The following BLNK variants were observed in gnomAD, a reference collection of about 807,000 sequenced individuals.
BLNK encodes B cell linker, also known as B-cell linker protein.
Under a neutral mutation model 73.5 loss-of-function variants are expected in BLNK, and 29 were observed. That is an observed-to-expected ratio of 0.39 (90% CI 0.29 to 0.54). The LOEUF (loss-of-function observed/expected upper bound fraction) is 0.54. BLNK is among the 20% of genes least tolerant of loss of function. The probability of loss-of-function intolerance (pLI) is 0.61; values close to 1 mark genes in which losing one functional copy is unlikely to be tolerated. For synonymous variants in BLNK, 176 were observed against 200.8 expected, an observed-to-expected ratio of 0.88 and a Z score of 1.04; for missense variants, 460 against 562.8, an observed-to-expected ratio of 0.82 and a Z score of 1.85.
chr10:96,198,338 CA>C (rs587651341), intron 15 of BLNK, among the ~76,000 whole-genome samples: 84 of 152,274 alleles, frequency 5.5e-4, no homozygotes, highest in African/African-American at 1.7e-3. Context: ...AATAAGGGAA[CA>C]GAACAACCCT....
chr10:96,210,230 G>A, intron 8 of BLNK: 1 of 397,750 alleles, frequency 2.5e-6, no homozygotes, highest in Non-Finnish European at 4.8e-6. Flanking sequence ...AGGACTCAGT[G>A]AGGACCCCCA....
At chr10:96,247,761 C>T (rs1284049726) in intron 1 of BLNK, among the ~76,000 whole-genome samples, 1 of 152,162 alleles carries the variant, frequency 6.6e-6, no homozygotes, top group Non-Finnish European at 1.5e-5. Context: ...CCAAGTCTTC[C>T]TGTGTAACTT....
chr10:96,224,223 C>A (rs1383638982), intron 5 of BLNK, among the ~76,000 whole-genome samples: 1 of 152,330 alleles, frequency 6.6e-6, no homozygotes, highest in African/African-American at 2.4e-5. Context: ...CCTTCCGGGG[C>A]AGTGATGGAC....
intron 1 of BLNK, among the ~76,000 whole-genome samples, chr10:96,264,738 T>A (rs1049920702): frequency 6.6e-6 from 1 of 152,176 alleles, no homozygotes; most frequent in Non-Finnish European, 1.5e-5. Flanking sequence ...GGGTGAATCC[T>A]GCTCCAGAAA....
chr10:96,246,493 G>A (rs1365443138), intron 2 of BLNK, among the ~76,000 whole-genome samples: 5 of 152,070 alleles, frequency 3.3e-5, no homozygotes, highest in Admixed American at 6.6e-5. Flanking sequence ...CAGAGGTTGC[G>A]GTGAGCTGAT....
At chr10:96,263,232 C>T (rs781932270) in intron 1 of BLNK, among the ~76,000 whole-genome samples, 102 of 152,304 alleles carry the variant, frequency 6.7e-4, no homozygotes, top group African/African-American at 7.9e-4. Context: ...GCACAAGCTC[C>T]GAGCACAGGA....
chr10:96,246,213 T>C (rs1349964380), intron 2 of BLNK, among the ~76,000 whole-genome samples: 2 of 152,080 alleles, frequency 1.3e-5, no homozygotes, highest in South Asian at 2.1e-4. Flanking sequence ...CAAGTGCCAA[T>C]TGAAAAGTTC....
chr10:96,213,155 C>A, intron 8 of BLNK, among the ~76,000 whole-genome samples: 1 of 152,150 alleles, frequency 6.6e-6, no homozygotes, highest in East Asian at 1.9e-4. Context: ...CCCTCTCAAC[C>A]AACTGACCCC....
intron 2 of BLNK, among the ~76,000 whole-genome samples, chr10:96,246,776 A>G (rs1273810379): frequency 6.6e-6 from 1 of 152,222 alleles, no homozygotes; most frequent in Non-Finnish European, 1.5e-5. Flanking sequence ...GAGAAGGAAA[A>G]TCAAAGTCCA....
intron 5 of BLNK, 90 bp downstream of exon 5, chr10:96,227,320 G>A: frequency 6.5e-7 from 1 of 1,536,432 alleles, no homozygotes; most frequent in South Asian, 1.2e-5. Context: ...TCAAGCAGCA[G>A]CCAGGTTTGT....
chr10:96,228,095 C>CTTTTTTTTT (rs11286890), intron 4 of BLNK, among the ~76,000 whole-genome samples: 1 of 115,354 alleles, frequency 8.7e-6, no homozygotes, highest in Non-Finnish European at 1.9e-5. Context: ...TCTTTTTTTT[C>CTTTTTTTTT]TTTTTTTTTT....
chr10:96,223,047 G>A (rs2084236038), intron 6 of BLNK, among the ~76,000 whole-genome samples: 2 of 152,148 alleles, frequency 1.3e-5, no homozygotes, highest in African/African-American at 2.4e-5. Flanking sequence ...TTTCCGATAA[G>A]ATCTCAGGAG....
chr10:96,208,375 C>T (rs782398721), intron 9 of BLNK, among the ~76,000 whole-genome samples: 1 of 152,110 alleles, frequency 6.6e-6, no homozygotes, highest in Non-Finnish European at 1.5e-5. Context: ...CTGCACTTGC[C>T]CACTCCAGCT....
At chr10:96,194,019 T>C (rs1421053882) in intron 16 of BLNK, among the ~76,000 whole-genome samples, 1 of 152,220 alleles carries the variant, frequency 6.6e-6, no homozygotes. Flanking sequence ...TTGGAATCCA[T>C]AGGCTGAATA....
At chr10:96,259,180 T>A (rs1388250416) in intron 1 of BLNK, among the ~76,000 whole-genome samples, 1 of 152,198 alleles carries the variant, frequency 6.6e-6, no homozygotes, top group Non-Finnish European at 1.5e-5. Context: ...TTCCTCTCTG[T>A]CCCTGGAGAC....
intron 7 of BLNK, chr10:96,216,332 G>C: frequency 2.8e-6 from 1 of 353,018 alleles, no homozygotes; most frequent in Non-Finnish European, 5.3e-6. Context: ...ATGGTGGCTT[G>C]TGACATTGTA....
chr10:96,208,047 G>C (rs587622692), intron 9 of BLNK, 148 bp from the exon 10 acceptor site: 2 of 858,976 alleles, frequency 2.3e-6, no homozygotes, highest in Admixed American at 4.0e-5. Flanking sequence ...GAGAGGGATG[G>C]AAGTGGGATT....
chr10:96,240,721 G>A (rs1842856552), intron 3 of BLNK, among the ~76,000 whole-genome samples: 1 of 152,240 alleles, frequency 6.6e-6, no homozygotes, highest in African/African-American at 2.4e-5. Flanking sequence ...GCTGGGCCTT[G>A]TGTGTGGAGG....
At chr10:96,201,582 T>C (rs1429292999) in intron 13 of BLNK, among the ~76,000 whole-genome samples, 2 of 152,266 alleles carry the variant, frequency 1.3e-5, no homozygotes, top group African/African-American at 4.8e-5. Context: ...AATAGAAACA[T>C]GTAAACCAAA....
Sources: allele counts gnomAD v4.1 joint callset (sites outside exome capture counted in the v4.1 genomes callset), GRCh38; gene constraint gnomAD v4.1.1; transcripts MANE v1.5; gene names NCBI Gene and HGNC (gene_info 2026-07-23, HGNC 2026-07-21).